Variants in MED16 observed in about 807,000 individuals in gnomAD.
MED16 encodes mediator of RNA polymerase II transcription subunit 16.
In MED16, 81 loss-of-function variants were observed where a neutral mutation model predicts 84.4. The ratio of observed to expected loss-of-function variants is 0.96; its 90% CI spans 0.80 to 1.15. The LOEUF is 1.15. Among genes scored for constraint, MED16 ranks in the 50% most tolerant of loss-of-function variants. The pLI, the probability that MED16 is intolerant of heterozygous loss-of-function variation, is 0.00. For missense variants in MED16, 1,585 were observed against 1,245.9 expected (o/e 1.27, Z -4.10); for synonymous variants, 897 against 552.2 (o/e 1.62, Z -8.76).
At chr19:883,363 G>T (rs1211457007) in intron 6 of MED16, among the ~76,000 whole-genome samples, 2 of 146,144 alleles carry the variant, frequency 1.4e-5, no homozygotes, top group Non-Finnish European at 3.0e-5. Flanking sequence ...GGCACGGTGG[G>T]CACGTGGGGT....
intron 4 of MED16, among the ~76,000 whole-genome samples, chr19:888,989 G>T (rs938556327): frequency 5.3e-5 from 8 of 152,034 alleles, no homozygotes; most frequent in African/African-American, 1.7e-4. Context: ...ACACACAGAG[G>T]TGAGGAGTCA....
At chr19:872,186 G>A (rs2036091554) in intron 11 of MED16, 68 bp from the exon 12 acceptor site, 10 of 1,418,440 alleles carry the variant, frequency 7.1e-6, no homozygotes, top group Non-Finnish European at 7.7e-6. Flanking sequence ...GAAGTGTCTT[G>A]GGGTCGGTGG....
Position 891,024 on chromosome 19 carries a change from G to C in MED16, c.108C>G (p.Ala36=). 1 of 1,614,116 alleles carries C rather than the reference G, an allele frequency of 6.2e-7. No individual in the cohort carries two copies. Among genetic ancestry groups the C allele is most frequent in the Non-Finnish European group, 8.5e-7 (1 of 1,180,028 alleles). ...TGAGATTTCGGCAGGACCAGGCGCAGGCCAGGGGCACCGATGGGCAGTGGG... is the reference window on the plus strand; with the variant it reads ...TGAGATTTCGGCAGGACCAGGCGCACGCCAGGGGCACCGATGGGCAGTGGG... ...KSTHCPSVPL[A]CAWSCRNLIA... Residue 36 remains alanine (A), a synonymous_variant, in exon 2 of 16, where the codon GCC becomes GCG. Transcript: ENST00000325464.
Position 867,984 on chromosome 19 carries a change from G to A in MED16, c.*117C>T. The A allele has an allele frequency of 7.4e-7, 1 of 1,359,606 alleles. No homozygotes were observed. The highest frequency in any genetic ancestry group is 9.8e-7 in the Non-Finnish European group (1 of 1,018,434). 84.2% of individuals were successfully genotyped at this position (1,359,606 alleles called of 1,614,324 possible). A position where few individuals can be genotyped will look rare whatever the true frequency, so the allele number is the denominator to read the frequency against. On this transcript the variant is annotated 3_prime_UTR_variant, in exon 16 of 16. Coordinates refer to ENST00000325464, the MANE Select transcript of MED16 (RefSeq NM_005481.3). ...GGCCTGGGCGCAGAGGGCGTTTATT[G>A]GACCTGTCCTTCCCAGCCGCTGCTT...
intron 9 of MED16, 43 bp from the exon 10 acceptor site, chr19:875,497 G>A: frequency 6.6e-7 from 1 of 1,505,658 alleles, no homozygotes; most frequent in Non-Finnish European, 9.0e-7. Context: ...CCGGAGCAGA[G>A]GCGCCCGCCA....
chr19:884,646 G>A (rs933016278), intron 6 of MED16, among the ~76,000 whole-genome samples: 1 of 152,170 alleles, frequency 6.6e-6, no homozygotes, highest in African/African-American at 2.4e-5. Context: ...TCTCAGCCTC[G>A]GCCTCGCACA....
In MED16 at chr19:868,174, C is replaced by A. The variant is rs1355779869; in HGVS notation, c.2561G>T (p.Gly854Val). The A allele has an allele frequency of 6.2e-7, 1 of 1,610,522 alleles. No individual in the cohort carries two copies. Among genetic ancestry groups the A allele is most frequent in the South Asian group, 1.1e-5 (1 of 90,738 alleles). Reference protein sequence around the residue: ...SEEAPAFVQLGPQSTHHSPRT... With the variant: ...SEEAPAFVQLVPQSTHHSPRT... ...GGGAGAGTGGTGTGTGGACTGCGGGCCCAGCTGGACAAAGGCAGGGGCTTC... is the reference window on the plus strand; with the variant it reads ...GGGAGAGTGGTGTGTGGACTGCGGGACCAGCTGGACAAAGGCAGGGGCTTC... Residue 854 changes from glycine (G) to valine (V), a missense_variant, in exon 16 of 16, where the codon GGC (glycine) becomes GTC (valine). Transcript: ENST00000325464.
chr19:872,549 C>A (rs1420248703), intron 11 of MED16, among the ~76,000 whole-genome samples: 1 of 151,510 alleles, frequency 6.6e-6, no homozygotes, highest in Non-Finnish European at 1.5e-5. Flanking sequence ...GACTTCAAAC[C>A]GTCCGTGATG....
Position 884,939 on chromosome 19 carries a change from G to T in MED16, c.949C>A (p.Pro317Thr). The T allele has an allele frequency of 1.2e-6, 2 of 1,609,778 alleles. No individual in the cohort carries two copies. The highest frequency in any genetic ancestry group is 8.5e-7 in the Non-Finnish European group (1 of 1,179,298). Residue 317 changes from proline (P) to threonine (T), a missense_variant, in exon 6 of 16, where the codon CCC becomes ACC. Physicochemically the swap from Pro to Thr is conservative, Grantham distance 38. Coordinates refer to ENST00000325464, the MANE Select transcript of MED16 (RefSeq NM_005481.3). ...ATCTGCTGGAAGATGTTGTTCACGG[G>T]GAGTCCCTCCTTGCGCAGGGACCAG... ...ECWSLRKEGL[P>T]VNNIFQQISP... is the part of the protein sequence containing the mutation.
intron 13 of MED16, among the ~76,000 whole-genome samples, chr19:870,329 G>C (rs956079885): frequency 6.6e-6 from 1 of 152,150 alleles, no homozygotes; most frequent in African/African-American, 2.4e-5. Context: ...GGGAGGGCGA[G>C]GCAGGTGGAT....
At position 869,700 on chromosome 19, in the gene MED16, G is replaced by A. The variant is rs76092252; in HGVS notation, c.2316-754C>T. Among the ~76,000 whole-genome samples the A allele has an allele frequency of 9.7e-4, 148 of 152,210 alleles. 3 individuals are homozygous for A. The highest frequency in any genetic ancestry group is 3.5e-3 in the African/African-American group (144 of 41,518). Reference sequence around the variant, plus strand: ...CCTGGAGGTCCTGGAGCCGAGCCGGGGCCTTCCCCGGAGCAGGGCTGCTGG... The same window carrying A: ...CCTGGAGGTCCTGGAGCCGAGCCGGAGCCTTCCCCGGAGCAGGGCTGCTGG... On this transcript the variant is annotated intron_variant, in intron 13 of 15. Transcript: ENST00000325464.
chr19:873,961 G>A (rs759624549), intron 10 of MED16, among the ~76,000 whole-genome samples: 16 of 152,298 alleles, frequency 1.1e-4, no homozygotes, highest in Non-Finnish European at 2.2e-4. Context: ...AGCCACCCCC[G>A]GCTGGCAGCT....
At chr19:878,103 C>T (rs1188904527) in intron 8 of MED16, among the ~76,000 whole-genome samples, 8 of 131,266 alleles carry the variant, frequency 6.1e-5, no homozygotes, top group Non-Finnish European at 1.1e-4. Context: ...CCCAGCGCCA[C>T]GTGCCCCAGC....
intron 8 of MED16, among the ~76,000 whole-genome samples, chr19:879,100 C>G (rs1401911479): frequency 7.1e-6 from 1 of 140,508 alleles, no homozygotes; most frequent in Non-Finnish European, 1.6e-5. Context: ...CAGCAGCTCG[C>G]CTTCCCCTGG....
At position 875,407 on chromosome 19, in the gene MED16, C is replaced by G; in HGVS notation, c.1608G>C (p.Leu536=). The G allele has an allele frequency of 6.2e-7, 1 of 1,607,356 alleles. No homozygotes were observed. Among genetic ancestry groups the G allele is most frequent in the Non-Finnish European group, 8.5e-7 (1 of 1,179,730 alleles). Residue 536 remains leucine, a synonymous_variant, in exon 10 of 16, where the codon CTG becomes CTC. Transcript: ENST00000325464. ...ACACGCGGGTCACCGTGCAGGGCGA[C>G]AGCTTGCAGAGCGAGGCCTTCATGG... ...ILAMKASLCK[L]SPCTVTRVCD...
rs756043257 is a variant in MED16, at chr19:868,113, C to T, written c.2622G>A (p.Glu874=). The change falls in exon 16 of 16, where the codon GAG becomes GAA. Residue 874 remains glutamate, a synonymous_variant. Coordinates refer to ENST00000325464, the MANE Select transcript of MED16 (RefSeq NM_005481.3). ...GGACCCCCGGCCGTCACGGACGGTC[C>T]TCTGGATGCAGATGGTCCAGGGATC... ...TPRSLDHLHP[E]DRP 12 of 1,609,438 alleles carry T rather than the reference C, an allele frequency of 7.5e-6. No homozygotes were observed. The highest frequency in any genetic ancestry group is 1.0e-5 in the Non-Finnish European group (12 of 1,178,974).
At chr19:889,148 C>T (rs2036581978) in intron 4 of MED16, among the ~76,000 whole-genome samples, 1 of 138,102 alleles carries the variant, frequency 7.2e-6, no homozygotes, top group Non-Finnish European at 1.5e-5. Flanking sequence ...CTACTCTTAA[C>T]TGTCCCCCCC....
chr19:885,376 G>A (rs765965865), intron 5 of MED16, among the ~76,000 whole-genome samples: 17 of 152,142 alleles, frequency 1.1e-4, no homozygotes, highest in South Asian at 1.0e-3. Flanking sequence ...CCCTAGGACC[G>A]GTGGCTGGGC....
chr19:880,209 G>C lies in MED16; in HGVS notation c.1142-61C>G, dbSNP rs552623587. On this transcript the variant is annotated intron_variant, in intron 7 of 15. Coordinates refer to ENST00000325464, the MANE Select transcript of MED16 (RefSeq NM_005481.3). ...GCCCAGGACACGCCCGCCGGGGGAG[G>C]GGCCTCCTGCTCTGCAGGGTGTGGA... The C allele has an allele frequency of 8.3e-4, 1,225 of 1,478,640 alleles. 13 individuals carry two copies. In the African/African-American group the frequency reaches 0.015, roughly 19 times the overall value. The allele number at this position is 1,478,640 out of a possible 1,614,324, so 91.6% of individuals were successfully genotyped here.
Sources: allele counts gnomAD v4.1 joint callset (sites outside exome capture counted in the v4.1 genomes callset), GRCh38; gene constraint gnomAD v4.1.1; transcripts MANE v1.5; gene names NCBI Gene and HGNC (gene_info 2026-07-23, HGNC 2026-07-21).